RLBP1: variants seen among roughly 807,000 people sequenced by gnomAD.
RLBP1 encodes the protein retinaldehyde binding protein 1.
In RLBP1, 26 loss-of-function variants were observed where a neutral mutation model predicts 36.2. That is an observed-to-expected ratio of 0.72 (90% CI 0.53 to 1.00). RLBP1 has a LOEUF of 1.00. Among genes scored for constraint, RLBP1 ranks in the 50% least tolerant of loss-of-function variants. RLBP1 has a pLI of 0.00. For synonymous variants in RLBP1, 155 were observed against 156.2 expected, an observed-to-expected ratio of 0.99 and a Z score of 0.06; for missense variants, 410 against 402.4, an observed-to-expected ratio of 1.02 and a Z score of -0.16.
At chr15:89,216,366 A>G (rs949381801) in intron 5 of RLBP1, among the ~76,000 whole-genome samples, 3 of 150,594 alleles carry the variant, frequency 2.0e-5, no homozygotes, top group Non-Finnish European at 2.9e-5. Context: ...CTTGTTGCCC[A>G]GGCTGGAGTG....
chr15:89,219,680 T>A (rs1953086444), intron 2 of RLBP1, 57 bp downstream of exon 2: 1 of 153,616 alleles, frequency 6.5e-6, no homozygotes, highest in Non-Finnish European at 1.4e-5. Flanking sequence ...GGAGGAGGAA[T>A]AAGTGACTTG....
chr15:89,211,963 C>T lies in RLBP1; in HGVS notation c.526-62G>A. Reference sequence around the variant, plus strand: ...CGCAACAATAATTAAGGCTTGAGGTCCTGAGGGGAGAGCTAATTGGTACAT... The same window carrying T: ...CGCAACAATAATTAAGGCTTGAGGTTCTGAGGGGAGAGCTAATTGGTACAT... On this transcript the variant is annotated intron_variant, in intron 6 of 8. Coordinates refer to ENST00000268125, the MANE Select transcript of RLBP1 (RefSeq NM_000326.5). This position sits in a 1 kb window ranked among gnomAD's most constrained non-coding sequence, Gnocchi z 5.8. The T allele has an allele frequency of 6.4e-7, 1 of 1,568,374 alleles. No homozygotes were observed.
chr15:89,211,592 G>A lies in RLBP1; in HGVS notation c.684+151C>T, dbSNP rs2051538433. On this transcript the variant is annotated intron_variant, in intron 7 of 8. Coordinates refer to ENST00000268125, the MANE Select transcript of RLBP1 (RefSeq NM_000326.5). This position sits in a 1 kb window ranked among gnomAD's most constrained non-coding sequence, Gnocchi z 5.8. ...TGGCAAACTGTCAATCACTATGCAG[G>A]TGCTTATGGTTGGGACTGTGGCTGT... 1.4e-6 allele frequency: 1 copy of A among 703,078 alleles called. No homozygotes were observed. The highest frequency in any genetic ancestry group is 2.4e-6 in the Non-Finnish European group (1 of 416,512). The allele number at this position is 703,078 out of a possible 1,614,324, so 43.6% of individuals were successfully genotyped here.
intron 1 of RLBP1, among the ~76,000 whole-genome samples, chr15:89,221,200 G>T (rs917029314): frequency 6.6e-6 from 1 of 151,940 alleles, no homozygotes; most frequent in Non-Finnish European, 1.5e-5. Context: ...GTGGAGATGG[G>T]GTTTCACCAT....
At position 89,215,175 on chromosome 15, in the gene RLBP1, C is replaced by T. The variant is rs772116454; in HGVS notation, c.410G>A (p.Arg137His). ...LFDSLSPEAVRCTIEAGYPGV... is the reference protein window; with the variant it reads ...LFDSLSPEAVHCTIEAGYPGV... ...AGGGTAGCCAGCTTCAATGGTGCAG[C>T]GGACAGCCTCTGGGGACAGGCTGTC... Residue 137 changes from arginine to histidine, a missense_variant, in exon 6 of 9, where the codon CGC (arginine) becomes CAC (histidine). Physicochemically the swap from Arg to His is conservative, Grantham distance 29. Coordinates refer to ENST00000268125, the MANE Select transcript of RLBP1 (RefSeq NM_000326.5). 5.0e-6 allele frequency: 8 copies of T among 1,614,040 alleles called. No individual in the cohort carries two copies. Among genetic ancestry groups the T allele is most frequent in the South Asian group, 1.1e-5 (1 of 91,088 alleles).
chr15:89,211,068 G>T lies in RLBP1; in HGVS notation c.685-259C>A, dbSNP rs2051534080. 6.6e-6 allele frequency among the ~76,000 whole-genome samples: 1 copy of T among 152,160 alleles called. No individual in the cohort carries two copies. The highest frequency in any genetic ancestry group is 1.5e-5 in the Non-Finnish European group (1 of 68,034). On this transcript the variant is annotated intron_variant, in intron 7 of 8. Transcript: ENST00000268125. This position sits in a 1 kb window ranked among gnomAD's most constrained non-coding sequence, Gnocchi z 5.8. ...TCCCTGCTGATGCAAATTAAACTGG[G>T]AATTAGGAAAAGAAATGAAAGTAGC...
At position 89,218,623 on chromosome 15, in the gene RLBP1, T is replaced by C; in HGVS notation, c.83A>G (p.Lys28Arg). Residue 28 changes from lysine to arginine, a missense_variant, in exon 4 of 9, where the codon AAG (lysine) becomes AGG (arginine). Lys to Arg is a conservative substitution (Grantham distance 26). Transcript: ENST00000268125. This position sits in a 1 kb window ranked among gnomAD's most constrained non-coding sequence, Gnocchi z 4.6. ...CGGGCCAAAGACAGGTCCATGGTCC[T>C]TGGTTGTGAGCTGCTCCAGTTGGGC... ...LRAQLEQLTT[K>R]DHGPVFGPCS... The C allele has an allele frequency of 6.2e-7, 1 of 1,614,234 alleles. No homozygotes were observed. The highest frequency in any genetic ancestry group is 1.1e-5 in the South Asian group (1 of 91,086).
intron 1 of RLBP1, among the ~76,000 whole-genome samples, chr15:89,220,882 T>A (rs1466845176): frequency 6.6e-6 from 1 of 152,164 alleles, no homozygotes; most frequent in East Asian, 1.9e-4. Flanking sequence ...CTTTGAGTTT[T>A]AAAAATACTG....
Position 89,210,036 on chromosome 15 carries a change from C to G in RLBP1, c.*249G>C. On this transcript the variant is annotated 3_prime_UTR_variant, in exon 9 of 9. Coordinates refer to ENST00000268125, the MANE Select transcript of RLBP1 (RefSeq NM_000326.5). This position sits in a 1 kb window ranked among gnomAD's most constrained non-coding sequence, Gnocchi z 4.7. The stretch of plus-strand genomic sequence containing the variant: ...TTGAAATACAACCTTACACAAAAAT[C>G]ACTGTCTTAAAGCTTCAAGGGCAGG... The G allele has an allele frequency of 3.7e-6, 2 of 546,036 alleles. No homozygotes were observed. The highest frequency in any genetic ancestry group is 4.4e-5 in the South Asian group (2 of 45,132). 33.8% of individuals were successfully genotyped at this position (546,036 alleles called of 1,614,324 possible). A position where few individuals can be genotyped will look rare whatever the true frequency, so the allele number is the denominator to read the frequency against.
Position 89,211,822 on chromosome 15 carries a change from T to A in RLBP1, c.605A>T (p.Glu202Val), listed in dbSNP as rs1237226502. The change falls in exon 7 of 9, where the codon GAG becomes GTG. Residue 202 changes from glutamate to valine, a missense_variant. Glu to Val is a moderately radical substitution (Grantham distance 121). Transcript: ENST00000268125. This position sits in a 1 kb window ranked among gnomAD's most constrained non-coding sequence, Gnocchi z 5.8. ...ETQINGFCII[E>V]NFKGFTMQQA... is the part of the protein sequence containing the mutation. ...CTGCATGGTAAAGCCCTTGAAGTTCTCAATGATGCAGAAGCCATTGATTTG... is the reference window on the plus strand; with the variant it reads ...CTGCATGGTAAAGCCCTTGAAGTTCACAATGATGCAGAAGCCATTGATTTG... The A allele has an allele frequency of 6.2e-7, 1 of 1,614,194 alleles. No individual in the cohort carries two copies. Among genetic ancestry groups the A allele is most frequent in the South Asian group, 1.1e-5 (1 of 91,088 alleles).
chr15:89,211,692 C>G lies in RLBP1; in HGVS notation c.684+51G>C. 1 of 1,595,942 alleles carries G rather than the reference C, an allele frequency of 6.3e-7. No individual in the cohort carries two copies. Among genetic ancestry groups the G allele is most frequent in the Non-Finnish European group, 8.6e-7 (1 of 1,167,056 alleles). On this transcript the variant is annotated intron_variant, in intron 7 of 8. Coordinates refer to ENST00000268125, the MANE Select transcript of RLBP1 (RefSeq NM_000326.5). This position sits in a 1 kb window ranked among gnomAD's most constrained non-coding sequence, Gnocchi z 5.8. ...CACCATGAAAGGAGGCCCAGCCTCT[C>G]AGCCTCCCCAGCTGTGGGAGGCTGC...
chr15:89,213,496 T>C (rs2051554841), intron 6 of RLBP1, among the ~76,000 whole-genome samples: 1 of 152,074 alleles, frequency 6.6e-6, no homozygotes, highest in Admixed American at 6.6e-5. Flanking sequence ...GAAGATATAA[T>C]GGAAGAAAGA....
chr15:89,210,292 G>T lies in RLBP1; in HGVS notation c.947C>A (p.Ala316Asp). ...FGPQAQAENT[A>D]F ...AGCTGGCAGGAGATGTTTTCAGAAG[G>T]CTGTGTTCTCAGCTTGGGCCTGGGG... The change falls in exon 9 of 9, where the codon GCC (alanine) becomes GAC (aspartate). Residue 316 changes from alanine (A) to aspartate (D), a missense_variant. Physicochemically the swap from Ala to Asp is moderately radical, Grantham distance 126 (BLOSUM62 -2). Coordinates refer to ENST00000268125, the MANE Select transcript of RLBP1 (RefSeq NM_000326.5). The surrounding 1 kb of genome is among the most constrained non-coding windows in gnomAD (Gnocchi z 4.7). 2 of 1,614,148 alleles carry T rather than the reference G, an allele frequency of 1.2e-6. No homozygotes were observed. Among genetic ancestry groups the T allele is most frequent in the Non-Finnish European group, 1.7e-6 (2 of 1,180,044 alleles).
intron 1 of RLBP1, among the ~76,000 whole-genome samples, chr15:89,220,091 C>G (rs182607221): frequency 2.6e-5 from 4 of 152,294 alleles, no homozygotes; most frequent in Non-Finnish European, 5.9e-5. Context: ...ATGGTCAGTT[C>G]AATCACCTAG....
Position 89,218,868 on chromosome 15 carries a change from A to G in RLBP1, c.12+96T>C. 1 of 1,529,656 alleles carries G rather than the reference A, an allele frequency of 6.5e-7. No individual in the cohort carries two copies. The highest frequency in any genetic ancestry group is 1.1e-5 in the South Asian group (1 of 87,772). 94.8% of individuals were successfully genotyped at this position (1,529,656 alleles called of 1,614,324 possible). On this transcript the variant is annotated intron_variant, in intron 3 of 8. Transcript: ENST00000268125. This position sits in a 1 kb window ranked among gnomAD's most constrained non-coding sequence, Gnocchi z 4.6. ...GAAGTGTGTGCCTATATTCCCGGGCAGAGCATAAGATAGAGAAGTAAGGAG... is the reference window on the plus strand; with the variant it reads ...GAAGTGTGTGCCTATATTCCCGGGCGGAGCATAAGATAGAGAAGTAAGGAG...
chr15:89,219,153 C>T (rs182976895), intron 2 of RLBP1, 78 bp from the exon 3 acceptor site: 18 of 743,670 alleles, frequency 2.4e-5, no homozygotes, highest in South Asian at 1.1e-4. Context: ...CAGAATCACC[C>T]GAGGCATTTG....
At position 89,218,523 on chromosome 15, in the gene RLBP1, G is replaced by T; in HGVS notation, c.141+42C>A. 1.9e-6 allele frequency: 3 copies of T among 1,613,730 alleles called. No homozygotes were observed. The highest frequency in any genetic ancestry group is 2.5e-6 in the Non-Finnish European group (3 of 1,179,856). On this transcript the variant is annotated intron_variant, in intron 4 of 8. Coordinates refer to ENST00000268125, the MANE Select transcript of RLBP1 (RefSeq NM_000326.5). This position sits in a 1 kb window ranked among gnomAD's most constrained non-coding sequence, Gnocchi z 4.6. ...AATGCAGTCATGTTCCCCTCATGTT[G>T]CCTCCCTAGGCTGCTCCTCTCCGCA...
chr15:89,210,608 G>A lies in RLBP1; in HGVS notation c.795+91C>T. On this transcript the variant is annotated intron_variant, in intron 8 of 8. Coordinates refer to ENST00000268125, the MANE Select transcript of RLBP1 (RefSeq NM_000326.5). The surrounding 1 kb of genome is among the most constrained non-coding windows in gnomAD (Gnocchi z 4.7). ...GTTGGGTGTCAGTGGGATCCACATA[G>A]CTCAGGACCATGGTAGAGTGTGAGG... 4.0e-6 allele frequency: 5 copies of A among 1,246,826 alleles called. No homozygotes were observed. The highest frequency in any genetic ancestry group is 5.8e-6 in the Non-Finnish European group (5 of 866,488). 77.2% of individuals were successfully genotyped at this position (1,246,826 alleles called of 1,614,324 possible).
intron 5 of RLBP1, 35 bp from the exon 6 acceptor site, chr15:89,215,273 A>C: frequency 6.2e-7 from 1 of 1,610,260 alleles, no homozygotes; most frequent in Non-Finnish European, 8.5e-7. Context: ...CCCCTCAGGG[A>C]GCCATCCCAT....
Sources: gnomAD v4.1 joint callset for allele counts (sites outside exome capture counted in the v4.1 genomes callset) on GRCh38, gnomAD v4.1.1 for gene constraint, Gnocchi (gnomAD v3.1) non-coding constraint, MANE v1.5 for transcripts, NCBI Gene and HGNC (gene_info 2026-07-23, HGNC 2026-07-21) for gene names.